The following RHBDL3 variants were observed in gnomAD, a reference collection of about 807,000 sequenced individuals.
RHBDL3 encodes the protein rhomboid like 3, also known as rhomboid-related protein 3.
RHBDL3 carries 28 observed loss-of-function variants against 48.2 expected under a neutral mutation model. That is an observed-to-expected ratio of 0.58 (90% CI 0.43 to 0.80). The LOEUF (loss-of-function observed/expected upper bound fraction) is 0.80. Among genes scored for constraint, RHBDL3 ranks in the 30% least tolerant of loss-of-function variants. The pLI, the probability that RHBDL3 is intolerant of heterozygous loss-of-function variation, is 0.00. For synonymous variants in RHBDL3, 208 were observed against 232.3 expected (o/e 0.90, Z 0.95); for missense variants, 464 against 542.7 (o/e 0.85, Z 1.44).
At chr17:32,286,263 A>G (rs1413440268) in intron 3 of RHBDL3, among the ~76,000 whole-genome samples, 1 of 152,238 alleles carries the variant, frequency 6.6e-6, no homozygotes, top group Non-Finnish European at 1.5e-5. Context: ...GCTTCTCTCC[A>G]GCCAGGGGTC....
In RHBDL3 at chr17:32,296,331, C is replaced by CTTTT. The variant is rs5819975; in HGVS notation, c.669-1742_669-1739dup. On this transcript the variant is annotated intron_variant, in intron 5 of 8. Transcript: ENST00000269051. Reference sequence around the variant, plus strand: ...GAGGGTTTTGGAGCAGAATAGGTCTCTTTTTTTTTTTTTTTTTTTTTTGAG... The same window carrying CTTTT: ...GAGGGTTTTGGAGCAGAATAGGTCTCTTTTTTTTTTTTTTTTTTTTTTTTTTGAG... Among the ~76,000 whole-genome samples the CTTTT allele has an allele frequency of 2.0e-3, 164 of 83,798 alleles. 4 individuals carry two copies. Among genetic ancestry groups the CTTTT allele is most frequent in the Non-Finnish European group, 2.8e-3 (119 of 43,004 alleles). 55.0% of individuals were successfully genotyped at this position (83,798 alleles called of 152,430 possible).
intron 4 of RHBDL3, among the ~76,000 whole-genome samples, chr17:32,291,933 G>T (rs138876263): frequency 6.6e-6 from 1 of 151,716 alleles, no homozygotes; most frequent in East Asian, 2.0e-4. Flanking sequence ...CACCACGCCC[G>T]GCTAATTTTC....
chr17:32,322,825 A>T lies in RHBDL3; in HGVS notation c.*1596A>T, dbSNP rs2041168854. 1 of 151,838 alleles carries T rather than the reference A, an allele frequency of 6.6e-6. No homozygotes were observed. Among genetic ancestry groups the T allele is most frequent in the Admixed American group, 6.6e-5 (1 of 15,226 alleles). 9.4% of individuals were successfully genotyped at this position (151,838 alleles called of 1,614,324 possible). On this transcript the variant is annotated 3_prime_UTR_variant, in exon 9 of 9. Transcript: ENST00000269051. Reference sequence around the variant, plus strand: ...AGGATGACCTTTGACAAAAGATGACACTCCCTTTATCGTGCTCTTGGAATT... The same window carrying T: ...AGGATGACCTTTGACAAAAGATGACTCTCCCTTTATCGTGCTCTTGGAATT...
rs756979452 is a variant in RHBDL3, at chr17:32,305,367, A to G, written c.808A>G (p.Met270Val). Residue 270 changes from methionine to valine, a missense_variant, in exon 7 of 9, where the codon ATG (methionine) becomes GTG (valine). Physicochemically the swap from Met to Val is conservative, Grantham distance 21 (BLOSUM62 1). Coordinates refer to ENST00000269051, the MANE Select transcript of RHBDL3 (RefSeq NM_138328.3). ...GTCCTTGGCAGTGTCTGTGGCTGACATGACCGCTCCAGTCGTGGGCTCTTC... is the reference window on the plus strand; with the variant it reads ...GTCCTTGGCAGTGTCTGTGGCTGACGTGACCGCTCCAGTCGTGGGCTCTTC... ...AGSLAVSVAD[M>V]TAPVVGSSGG... The G allele has an allele frequency of 1.9e-6, 3 of 1,613,776 alleles. No individual in the cohort carries two copies. The highest frequency in any genetic ancestry group is 2.5e-6 in the Non-Finnish European group (3 of 1,179,708).
intron 5 of RHBDL3, among the ~76,000 whole-genome samples, 189 bp from the exon 6 acceptor site, chr17:32,297,903 G>T (rs2040490531): frequency 6.6e-6 from 1 of 151,854 alleles, no homozygotes; most frequent in Non-Finnish European, 1.5e-5. Context: ...CATCTGGAAG[G>T]AACACTCTTT....
intron 2 of RHBDL3, among the ~76,000 whole-genome samples, chr17:32,279,223 C>G (rs1336552410): frequency 1.3e-5 from 2 of 152,172 alleles, no homozygotes; most frequent in Non-Finnish European, 2.9e-5. Flanking sequence ...CCTGAGGTTT[C>G]AGTCAAGGGG....
At chr17:32,315,544 C>T (rs2040949949) in intron 7 of RHBDL3, among the ~76,000 whole-genome samples, 1 of 152,150 alleles carries the variant, frequency 6.6e-6, no homozygotes, top group African/African-American at 2.4e-5. Flanking sequence ...ATCTGATTCT[C>T]CTCTGGAGCA....
chr17:32,280,743 AG>A (rs2040022302), intron 2 of RHBDL3: 1 of 152,064 alleles, frequency 6.6e-6, no homozygotes, highest in African/African-American at 2.4e-5. Context: ...GCTACCCCTG[AG>A]TGAGGGGTGC....
chr17:32,294,157 C>A, intron 4 of RHBDL3, 137 bp from the exon 5 acceptor site: 1 of 625,314 alleles, frequency 1.6e-6, no homozygotes, highest in Non-Finnish European at 2.6e-6. Context: ...TCAGTTGGGC[C>A]CTGGCTGTGG....
chr17:32,299,761 C>A (rs2040539816), intron 6 of RHBDL3, among the ~76,000 whole-genome samples: 1 of 152,192 alleles, frequency 6.6e-6, no homozygotes. Context: ...CAAACAGAAG[C>A]AGAGCTCATC....
chr17:32,273,115 C>T (rs2039813158), intron 2 of RHBDL3, among the ~76,000 whole-genome samples: 1 of 152,236 alleles, frequency 6.6e-6, no homozygotes, highest in African/African-American at 2.4e-5. Flanking sequence ...ATTCTCCTAC[C>T]TCAACCTCCC....
Position 32,287,058 on chromosome 17 carries a change from C to T in RHBDL3, c.295-1734C>T, listed in dbSNP as rs140351920. ...GCTTCAGTCCCCATATTTGTAATGTCGGAATAATACGGGGTGCCAAATAAC... is the reference window on the plus strand; with the variant it reads ...GCTTCAGTCCCCATATTTGTAATGTTGGAATAATACGGGGTGCCAAATAAC... On this transcript the variant is annotated intron_variant, in intron 3 of 8. Coordinates refer to ENST00000269051, the MANE Select transcript of RHBDL3 (RefSeq NM_138328.3). 4.2e-3 allele frequency among the ~76,000 whole-genome samples: 644 copies of T among 152,326 alleles called. 3 individuals are homozygous for T. Among genetic ancestry groups the T allele is most frequent in the Admixed American group, 6.3e-3 (97 of 15,304 alleles).
intron 4 of RHBDL3, among the ~76,000 whole-genome samples, chr17:32,292,659 CTGGG>C: frequency 6.6e-6 from 1 of 151,922 alleles, no homozygotes; most frequent in Non-Finnish European, 1.5e-5. Context: ...CAAAAATTAG[CTGGG>C]CATGGTGGCA....
At chr17:32,303,791 G>A (rs930112080) in intron 6 of RHBDL3, among the ~76,000 whole-genome samples, 6 of 152,120 alleles carry the variant, frequency 3.9e-5, no homozygotes, top group African/African-American at 1.4e-4. Flanking sequence ...TTATCAGGGG[G>A]CTCTGCTGCC....
intron 2 of RHBDL3, among the ~76,000 whole-genome samples, chr17:32,269,081 C>T (rs1169726599): frequency 6.6e-6 from 1 of 152,150 alleles, no homozygotes; most frequent in African/African-American, 2.4e-5. Flanking sequence ...GGTGTGGTGA[C>T]TCACGCTTGT....
chr17:32,273,948 G>T (rs2039835474), intron 2 of RHBDL3, among the ~76,000 whole-genome samples: 1 of 152,034 alleles, frequency 6.6e-6, no homozygotes, highest in South Asian at 2.1e-4. Flanking sequence ...GTTGGCCGGG[G>T]TGGTCTTGAA....
intron 8 of RHBDL3, among the ~76,000 whole-genome samples, chr17:32,320,212 G>A (rs939714990): frequency 6.6e-6 from 1 of 152,150 alleles, no homozygotes; most frequent in Non-Finnish European, 1.5e-5. Flanking sequence ...GGTTGAGGCT[G>A]AAGTGAGCTG....
chr17:32,279,555 C>T (rs932814985), intron 2 of RHBDL3, among the ~76,000 whole-genome samples: 1 of 152,220 alleles, frequency 6.6e-6, no homozygotes, highest in Admixed American at 6.5e-5. Flanking sequence ...CCGGCCCTTC[C>T]TCACTCCATG....
chr17:32,312,292 G>A (rs538272180), intron 7 of RHBDL3, among the ~76,000 whole-genome samples: 3 of 152,058 alleles, frequency 2.0e-5, no homozygotes, highest in Non-Finnish European at 2.9e-5. Flanking sequence ...AAAATTAGCC[G>A]GGTGTGGTAC....
Sources: allele counts gnomAD v4.1 joint callset (sites outside exome capture counted in the v4.1 genomes callset), GRCh38; gene constraint gnomAD v4.1.1; transcripts MANE v1.5; gene names NCBI Gene and HGNC (gene_info 2026-07-23, HGNC 2026-07-21).